Variants in MICU3 observed in about 807,000 individuals in gnomAD.
MICU3 encodes the protein mitochondrial calcium uptake 3, also known as calcium uptake protein 3, mitochondrial.
A neutral mutation model predicts 66.5 loss-of-function variants in MICU3; 62 were observed. That is an observed-to-expected ratio of 0.93 (90% confidence interval 0.76 to 1.15). The LOEUF (loss-of-function observed/expected upper bound fraction) is 1.15, where lower values mean the gene tolerates loss of function less well. Ranked by LOEUF, MICU3 falls within the 50% of genes most tolerant of loss-of-function variation. MICU3 has a pLI of 0.00. For synonymous variants in MICU3, 308 were observed against 240.7 expected, an observed-to-expected ratio of 1.28 and a Z score of -2.59; for missense variants, 779 against 664.4, an observed-to-expected ratio of 1.17 and a Z score of -1.90.
the MICU3 span, chr8:17,131,906 A>G: frequency 1.3e-5 from 2 of 152,206 alleles, no homozygotes; most frequent in Non-Finnish European, 2.9e-5. Flanking sequence ...GCTAAGAGGA[A>G]ATACATCAAT....
intron 3 of MICU3, among the ~76,000 whole-genome samples, chr8:17,073,016 G>A (rs1819838397): frequency 6.6e-6 from 1 of 151,974 alleles, no homozygotes; most frequent in South Asian, 2.1e-4. Context: ...TCAGCCTCCT[G>A]AGTAGCTGGG....
chr8:17,105,365 A>G, intron 10 of MICU3, 48 bp from the exon 11 acceptor site: 1 of 1,176,826 alleles, frequency 8.5e-7, no homozygotes, highest in East Asian at 2.5e-5. Context: ...TCCTGTTACG[A>G]TTACTCTTTC....
At chr8:17,135,608 C>G in the MICU3 span, among the ~76,000 whole-genome samples, 99 of 152,158 alleles carry the variant, frequency 6.5e-4, 2 homozygotes, top group South Asian at 0.011. Context: ...ATTATTGCTT[C>G]TATTTCTATC....
chr8:17,130,018 C>T, the MICU3 span, among the ~76,000 whole-genome samples: 4 of 152,066 alleles, frequency 2.6e-5, no homozygotes, highest in African/African-American at 9.7e-5. Context: ...GTAAAATAGT[C>T]TTTTAAAATA....
intron 1 of MICU3, among the ~76,000 whole-genome samples, chr8:17,036,334 G>A (rs1812980818): frequency 2.0e-5 from 3 of 152,140 alleles, no homozygotes; most frequent in African/African-American, 7.2e-5. Flanking sequence ...CAAAGAGTGA[G>A]CAGTAGCAAG....
chr8:17,101,142 G>T (rs931626639), intron 9 of MICU3, among the ~76,000 whole-genome samples: 2 of 151,578 alleles, frequency 1.3e-5, no homozygotes, highest in Non-Finnish European at 3.0e-5. Flanking sequence ...GTTTATTTTT[G>T]ATGAAATCAT....
intron 8 of MICU3, among the ~76,000 whole-genome samples, chr8:17,095,710 CCTAA>C (rs1190362194): frequency 6.6e-6 from 1 of 151,822 alleles, no homozygotes; most frequent in East Asian, 1.9e-4. Context: ...CTTCTTTCCT[CCTAA>C]CTGCCTTTTT....
rs760198417 is a variant in MICU3 at position 17,090,597 on chromosome 8, C to A, written c.888+13C>A. 1 of 1,592,660 alleles carries A rather than the reference C, an allele frequency of 6.3e-7. No homozygotes were observed. On this transcript the variant is annotated intron_variant, in intron 8 of 14. Coordinates refer to ENST00000318063, the MANE Select transcript of MICU3 (RefSeq NM_181723.3). ...TCCTACTAATAGTGTATGTACAATACTTTAAATGTTCTTTATGTATATAGC... is the reference window on the plus strand; with the variant it reads ...TCCTACTAATAGTGTATGTACAATAATTTAAATGTTCTTTATGTATATAGC...
Position 17,064,177 on chromosome 8 carries a change from G to C in MICU3, c.475G>C (p.Gly159Arg). The C allele has an allele frequency of 6.2e-7, 1 of 1,613,046 alleles. No individual in the cohort carries two copies. Among genetic ancestry groups the C allele is most frequent in the Non-Finnish European group, 8.5e-7 (1 of 1,179,322 alleles). The stretch of plus-strand genomic sequence containing the variant: ...TTTATTTGCTTCTATAGAATGTGAA[G>C]GGCAGTTATTCATGACTCCGTATGA... ...FRLFASIECE[G>R]QLFMTPYDFI... is the part of the protein sequence containing the mutation. Residue 159 changes from glycine (G) to arginine (R), a missense_variant, in exon 2 of 15, where the codon GGG becomes CGG. Physicochemically the swap from Gly to Arg is moderately radical, Grantham distance 125 (BLOSUM62 -2). Coordinates refer to ENST00000318063, the MANE Select transcript of MICU3 (RefSeq NM_181723.3).
intron 1 of MICU3, among the ~76,000 whole-genome samples, chr8:17,057,956 TC>T (rs1817205412): frequency 6.6e-6 from 1 of 152,090 alleles, no homozygotes; most frequent in South Asian, 2.1e-4. Flanking sequence ...CAAGTGATTC[TC>T]CTGCCTCAGC....
chr8:17,086,685 T>G (rs1799507472), intron 6 of MICU3, among the ~76,000 whole-genome samples: 1 of 152,106 alleles, frequency 6.6e-6, no homozygotes, highest in Non-Finnish European at 1.5e-5. Flanking sequence ...CTTTTGGAAC[T>G]CACTCCTTTG....
In MICU3 at chr8:17,118,713, A is replaced by G. The variant is rs1450885706; in HGVS notation, c.1531A>G (p.Lys511Glu). ...DRLHRGFRGY[K>E]TVQKYPTFKS... is the part of the protein sequence containing the mutation. Reference sequence around the variant, plus strand: ...TTGCTCTTCTGTTTTACAGGGTTATAAAACAGTCCAGAAGTACCCCACTTT... The same window carrying G: ...TTGCTCTTCTGTTTTACAGGGTTATGAAACAGTCCAGAAGTACCCCACTTT... Residue 511 changes from lysine to glutamate, a missense_variant, in exon 14 of 15, where the codon AAA becomes GAA. Physicochemically the swap from Lys to Glu is moderately conservative, Grantham distance 56 (BLOSUM62 1). Coordinates refer to ENST00000318063, the MANE Select transcript of MICU3 (RefSeq NM_181723.3). 4 of 1,608,768 alleles carry G rather than the reference A, an allele frequency of 2.5e-6. No individual in the cohort carries two copies. Among genetic ancestry groups the G allele is most frequent in the Non-Finnish European group, 3.4e-6 (4 of 1,175,520 alleles).
At chr8:17,100,435 C>T (rs982949727) in intron 9 of MICU3, among the ~76,000 whole-genome samples, 1 of 151,730 alleles carries the variant, frequency 6.6e-6, no homozygotes, top group Admixed American at 6.6e-5. Context: ...TACCCTCCCA[C>T]ATTAGAATAA....
chr8:17,073,532 A>T (rs967023886), intron 3 of MICU3, among the ~76,000 whole-genome samples: 1 of 152,148 alleles, frequency 6.6e-6, no homozygotes, highest in African/African-American at 2.4e-5. Flanking sequence ...ATGTATAATT[A>T]TTTCATTATA....
At position 17,100,623 on chromosome 8, in the gene MICU3, A is replaced by G. The variant is rs193206495; in HGVS notation, c.984+2070A>G. Among the ~76,000 whole-genome samples the G allele has an allele frequency of 6.6e-5, 10 of 151,806 alleles. No individual in the cohort carries two copies. The East Asian group carries it at 1.7e-3, about 26-fold the overall frequency. On this transcript the variant is annotated intron_variant, in intron 9 of 14. Transcript: ENST00000318063. Reference sequence around the variant, plus strand: ...TGTATTTCTTTATTATATATTTAATATGTAATTATTGAGATAAAATCTGTT... The same window carrying G: ...TGTATTTCTTTATTATATATTTAATGTGTAATTATTGAGATAAAATCTGTT...
chr8:17,031,347 G>T (rs969401601), intron 1 of MICU3, among the ~76,000 whole-genome samples: 4 of 150,854 alleles, frequency 2.7e-5, no homozygotes, highest in East Asian at 1.9e-4. Context: ...GACTGCAGGG[G>T]TGTGATCTCA....
downstream of MICU3, among the ~76,000 whole-genome samples, chr8:17,125,674 C>T (rs974130659): frequency 1.3e-5 from 2 of 152,104 alleles, no homozygotes; most frequent in Non-Finnish European, 2.9e-5. Flanking sequence ...AGAAAGAAAT[C>T]TTGAAGCCCC....
rs1803231984 is a variant in MICU3, at chr8:17,122,030, A to C, written c.*1743A>C. ...CTATAAGTTATACTATGTTGCGTAC[A>C]TGGCAAATCCTGCAAATATAGATTA... On this transcript the variant is annotated 3_prime_UTR_variant, in exon 15 of 15. Transcript: ENST00000318063. 1 of 151,846 alleles carries C rather than the reference A, an allele frequency of 6.6e-6. No homozygotes were observed. Among genetic ancestry groups the C allele is most frequent in the Non-Finnish European group, 1.5e-5 (1 of 67,760 alleles). 9.4% of individuals were successfully genotyped at this position (151,846 alleles called of 1,614,324 possible).
chr8:17,132,623 A>C, the MICU3 span: 1 of 152,350 alleles, frequency 6.6e-6, no homozygotes, highest in East Asian at 1.9e-4. Flanking sequence ...TTGATTCAGT[A>C]GCATGAGGAG....
Sources: allele counts gnomAD v4.1 joint callset (sites outside exome capture counted in the v4.1 genomes callset), GRCh38; gene constraint gnomAD v4.1.1; transcripts MANE v1.5; gene names NCBI Gene and HGNC (gene_info 2026-07-23, HGNC 2026-07-21).